THSD7B: variants seen among roughly 807,000 people sequenced by gnomAD.
The protein encoded by THSD7B is thrombospondin type-1 domain-containing protein 7B.
A neutral mutation model predicts 213.6 loss-of-function variants in THSD7B; 138 were observed. That is an observed-to-expected ratio of 0.65 (90% confidence interval 0.56 to 0.74). The LOEUF is 0.74. Among genes scored for constraint, THSD7B ranks in the 30% least tolerant of loss-of-function variants. THSD7B has a pLI of 0.00. For synonymous variants in THSD7B, 742 were observed against 687.0 expected (o/e 1.08, Z -1.25); for missense variants, 1,931 against 1,991.5 (o/e 0.97, Z 0.58).
intron 7 of THSD7B, among the ~76,000 whole-genome samples, chr2:137,223,377 C>T (rs780043533): frequency 6.6e-6 from 1 of 152,160 alleles, no homozygotes; most frequent in African/African-American, 2.4e-5. Flanking sequence ...AACATTGTTA[C>T]GTACATGTTT....
At chr2:137,305,218 C>T (rs576522444) in intron 12 of THSD7B, among the ~76,000 whole-genome samples, 2 of 152,220 alleles carry the variant, frequency 1.3e-5, no homozygotes, top group African/African-American at 4.8e-5. Flanking sequence ...GGTCAGAAGT[C>T]TTATGCCAAT....
Position 136,900,147 on chromosome 2 carries a change from A to T in THSD7B, c.139+17830A>T, listed in dbSNP as rs529912118. Among the ~76,000 whole-genome samples the T allele has an allele frequency of 2.9e-4, 44 of 152,330 alleles. No individual in the cohort carries two copies. The East Asian group carries it at 8.3e-3, about 29-fold the overall frequency. ...ATCTGAACACCATGAATGATCTGAC[A>T]TGTTTGCAGCTGAGAATTGTGTATA... On this transcript the variant is annotated intron_variant, in intron 2 of 27. Coordinates refer to ENST00000409968, the MANE Select transcript of THSD7B (RefSeq NM_001316349.2).
At chr2:137,017,367 T>C (rs184912042) in intron 2 of THSD7B, among the ~76,000 whole-genome samples, 1 of 151,564 alleles carries the variant, frequency 6.6e-6, no homozygotes, top group Admixed American at 6.6e-5. Flanking sequence ...GGGGAAGAGA[T>C]TGGAAAAGAG....
chr2:137,186,197 G>C (rs571498119), intron 7 of THSD7B, among the ~76,000 whole-genome samples: 1 of 152,082 alleles, frequency 6.6e-6, no homozygotes, highest in Admixed American at 6.6e-5. Flanking sequence ...TTACTCCATC[G>C]ATAGTTTTTC....
chr2:137,654,566 G>A (rs1441127062), intron 21 of THSD7B, among the ~76,000 whole-genome samples: 2 of 152,086 alleles, frequency 1.3e-5, no homozygotes, highest in African/African-American at 4.8e-5. Context: ...ATGAGTAAAG[G>A]GGAAATTTTC....
chr2:137,038,454 T>C (rs1208288055), intron 2 of THSD7B, among the ~76,000 whole-genome samples: 4 of 152,156 alleles, frequency 2.6e-5, no homozygotes, highest in African/African-American at 9.7e-5. Flanking sequence ...GGAAAAGAGC[T>C]GCCACTGCCC....
At chr2:136,962,298 A>G (rs183996229) in intron 2 of THSD7B, among the ~76,000 whole-genome samples, 11 of 151,784 alleles carry the variant, frequency 7.2e-5, no homozygotes, top group African/African-American at 2.7e-4. Flanking sequence ...CAGACTTCTG[A>G]CCTTCAAAAC....
chr2:136,849,404 C>T (rs1683061360), intron 1 of THSD7B, among the ~76,000 whole-genome samples: 1 of 152,140 alleles, frequency 6.6e-6, no homozygotes, highest in Non-Finnish European at 1.5e-5. Flanking sequence ...CCATCTAAAC[C>T]TGTACTCTGT....
At chr2:137,609,030 C>T (rs918618196) in intron 17 of THSD7B, among the ~76,000 whole-genome samples, 37 of 152,330 alleles carry the variant, frequency 2.4e-4, no homozygotes, top group African/African-American at 7.7e-4. Flanking sequence ...TCAGGATACA[C>T]ATTCATTAAT....
chr2:136,802,177 C>T (rs914650202), intron 1 of THSD7B, among the ~76,000 whole-genome samples: 2 of 151,974 alleles, frequency 1.3e-5, no homozygotes, highest in African/African-American at 4.8e-5. Context: ...ATAAGGGGAA[C>T]GTTAATGGGG....
Position 137,549,429 on chromosome 2 carries a change from T to C in THSD7B, c.3139-13792T>C, listed in dbSNP as rs969458004. Among the ~76,000 whole-genome samples, 6 of 151,256 alleles carry C rather than the reference T, an allele frequency of 4.0e-5. No homozygotes were observed. The Admixed American group carries it at 4.0e-4, about 10-fold the overall frequency. On this transcript the variant is annotated intron_variant, in intron 15 of 27. Coordinates refer to ENST00000409968, the MANE Select transcript of THSD7B (RefSeq NM_001316349.2). Reference sequence around the variant, plus strand: ...CTCACTCAATCTATCTACCTATCCTTGCACTAGACTCTAAACAGTATCTCC... The same window carrying C: ...CTCACTCAATCTATCTACCTATCCTCGCACTAGACTCTAAACAGTATCTCC...
intron 15 of THSD7B, among the ~76,000 whole-genome samples, chr2:137,548,386 A>T (rs985396143): frequency 7.2e-5 from 11 of 152,126 alleles, no homozygotes; most frequent in African/African-American, 2.6e-4. Context: ...CAAAAATAGT[A>T]ATAGTGATGA....
rs7574588 is a variant in THSD7B, at chr2:136,897,630, C to T, written c.139+15313C>T. Among the ~76,000 whole-genome samples, 1,331 of 152,266 alleles carry T rather than the reference C, an allele frequency of 8.7e-3. 18 individuals carry two copies. The highest frequency in any genetic ancestry group is 0.03 in the African/African-American group (1,247 of 41,498). ...AGGGGACCCAAGCAGGTTGCCGCTG[C>T]GGGCTCAGGTGGCCAGCTTTTATTC... On this transcript the variant is annotated intron_variant, in intron 2 of 27. Transcript: ENST00000409968.
intron 15 of THSD7B, among the ~76,000 whole-genome samples, chr2:137,526,454 C>T (rs141253175): frequency 2.0e-5 from 3 of 152,134 alleles, no homozygotes; most frequent in African/African-American, 7.2e-5. Context: ...GAGAATCTCG[C>T]TCTGTCACCT....
chr2:137,066,668 C>T (rs572818931), intron 3 of THSD7B, among the ~76,000 whole-genome samples: 5 of 152,190 alleles, frequency 3.3e-5, no homozygotes, highest in African/African-American at 1.2e-4. Context: ...TATGCTTGGA[C>T]GTGGATATTT....
intron 17 of THSD7B, among the ~76,000 whole-genome samples, chr2:137,574,608 T>C (rs965512615): frequency 3.3e-5 from 5 of 152,156 alleles, no homozygotes; most frequent in Non-Finnish European, 7.4e-5. Context: ...CAGGTCTGTC[T>C]GACCACAATG....
chr2:137,279,471 A>G (rs1392463485), intron 12 of THSD7B, among the ~76,000 whole-genome samples: 1 of 152,132 alleles, frequency 6.6e-6, no homozygotes, highest in East Asian at 1.9e-4. Context: ...TGAACCTGGG[A>G]GGCTGAGGCT....
intron 7 of THSD7B, among the ~76,000 whole-genome samples, chr2:137,228,404 A>T (rs1681562816): frequency 6.6e-6 from 1 of 152,136 alleles, no homozygotes; most frequent in African/African-American, 2.4e-5. Context: ...ACTGACAACA[A>T]TGAATGTAAT....
Position 137,487,465 on chromosome 2 carries a change from A to G in THSD7B, c.3138+36442A>G, listed in dbSNP as rs1367713006. On this transcript the variant is annotated intron_variant, in intron 15 of 27. Transcript: ENST00000409968. Reference sequence around the variant, plus strand: ...GAAGGCAAGAAATAACTAAAATCAGAGCAGAACTGAAGGAAATAGAGACAC... The same window carrying G: ...GAAGGCAAGAAATAACTAAAATCAGGGCAGAACTGAAGGAAATAGAGACAC... 1.7e-4 allele frequency among the ~76,000 whole-genome samples: 25 copies of G among 150,086 alleles called. No individual in the cohort carries two copies. The South Asian group carries it at 5.2e-3, about 31-fold the overall frequency.
Sources: allele counts gnomAD v4.1 joint callset (sites outside exome capture counted in the v4.1 genomes callset), GRCh38; gene constraint gnomAD v4.1.1; transcripts MANE v1.5; gene names NCBI Gene and HGNC (gene_info 2026-07-23, HGNC 2026-07-21).